OSBPL10: variants seen among roughly 807,000 people sequenced by gnomAD.
The protein encoded by OSBPL10 is oxysterol-binding protein-related protein 10.
In OSBPL10, 49 loss-of-function variants were observed where a neutral mutation model predicts 81.7. The ratio of observed to expected loss-of-function variants is 0.60; its 90% confidence interval spans 0.48 to 0.76. OSBPL10 has a LOEUF of 0.76. OSBPL10 is among the 30% of genes least tolerant of loss of function. The pLI is 0.00. For synonymous variants in OSBPL10, 419 were observed against 383.6 expected (o/e 1.09, Z -1.08); for missense variants, 923 against 987.8 (o/e 0.93, Z 0.88).
intron 1 of OSBPL10, among the ~76,000 whole-genome samples, chr3:31,915,144 GCACTGCTTTGAA>G (rs1200024777): frequency 7.9e-5 from 12 of 151,060 alleles, no homozygotes; most frequent in African/African-American, 2.9e-4. Context: ...TGCATCCAGT[GCACTGCTTTGAA>G]CACATTTTTT....
At chr3:31,813,375 C>G (rs1476858946) in intron 4 of OSBPL10, among the ~76,000 whole-genome samples, 1 of 152,166 alleles carries the variant, frequency 6.6e-6, no homozygotes, top group East Asian at 1.9e-4. Flanking sequence ...CCTCAGATGG[C>G]TCTCCACCCA....
intron 11 of OSBPL10, 42 bp downstream of exon 11, chr3:31,664,037 T>C (rs780679917): frequency 1.9e-6 from 3 of 1,614,070 alleles, no homozygotes; most frequent in Non-Finnish European, 1.7e-6. Context: ...TCAGGACAAG[T>C]TCTCTCCTGG....
At chr3:32,011,281 A>G (rs1699253875) in intron 2 of OSBPL10, among the ~76,000 whole-genome samples, 1 of 152,234 alleles carries the variant, frequency 6.6e-6, no homozygotes, top group Non-Finnish European at 1.5e-5. Flanking sequence ...TTTGCTGTTC[A>G]GCAATATTCA....
chr3:31,865,090 C>T (rs538351396), intron 3 of OSBPL10, among the ~76,000 whole-genome samples: 2 of 152,250 alleles, frequency 1.3e-5, no homozygotes, highest in Admixed American at 1.3e-4. Context: ...GAGGGAGGGA[C>T]AGAAGGGGTG....
At chr3:31,951,267 C>CG (rs1410652295) in intron 1 of OSBPL10, among the ~76,000 whole-genome samples, 5 of 149,132 alleles carry the variant, frequency 3.4e-5, no homozygotes, top group Non-Finnish European at 5.9e-5. Context: ...GGAAACAAAA[C>CG]GGGAAAAAAA....
In OSBPL10 at chr3:31,661,058, G is replaced by A. The variant is rs1354655673; in HGVS notation, c.*1014C>T. ...TCACTCCTTTGACCTCATGTGTAAA[G>A]GCTAAAAACTGAAATTTAACTGAAA... On this transcript the variant is annotated 3_prime_UTR_variant, in exon 12 of 12. Transcript: ENST00000396556. 6.6e-6 allele frequency: 1 copy of A among 152,588 alleles called. No individual in the cohort carries two copies. Among genetic ancestry groups the A allele is most frequent in the African/African-American group, 2.4e-5 (1 of 41,426 alleles). The allele number at this position is 152,588 out of a possible 1,614,324, so 9.5% of individuals were successfully genotyped here.
chr3:32,077,531 G>C (rs1699886286), exon 1 of OSBPL10: 1 of 152,184 alleles, frequency 6.6e-6, no homozygotes, highest in Non-Finnish European at 1.5e-5. Flanking sequence ...CACATTAAAA[G>C]AGTCAAAATG....
intron 2 of OSBPL10, chr3:31,991,590 G>GA (rs1699030632): frequency 6.0e-6 from 1 of 166,582 alleles, no homozygotes; most frequent in African/African-American, 2.4e-5. Flanking sequence ...TTTTGGTACT[G>GA]ATATTGTATT....
At chr3:31,698,500 C>T (rs1039674277) in intron 7 of OSBPL10, among the ~76,000 whole-genome samples, 1 of 152,028 alleles carries the variant, frequency 6.6e-6, no homozygotes, top group South Asian at 2.1e-4. Context: ...GCCACATATT[C>T]CCTTGCTCAA....
chr3:31,824,810 C>T lies in OSBPL10; in HGVS notation c.729+5230G>A, dbSNP rs116066201. Among the ~76,000 whole-genome samples the T allele has an allele frequency of 5.6e-3, 858 of 152,212 alleles. 4 individuals carry two copies. The highest frequency in any genetic ancestry group is 0.019 in the African/African-American group (778 of 41,516). On this transcript the variant is annotated intron_variant, in intron 4 of 11. Transcript: ENST00000396556. ...TTTGCCAGCGGATATCTTGCAGTTGCGGGTATATCATCCCATCTCACTCGA... is the reference window on the plus strand; with the variant it reads ...TTTGCCAGCGGATATCTTGCAGTTGTGGGTATATCATCCCATCTCACTCGA...
In OSBPL10 at chr3:31,670,914, A is replaced by T. The variant is rs761673384; in HGVS notation, c.1796T>A (p.Ile599Asn). The change falls in exon 9 of 12, where the codon ATT becomes AAT. Residue 599 changes from isoleucine (I) to asparagine (N), a missense_variant. Physicochemically the swap from Ile to Asn is moderately radical, Grantham distance 149. Around this residue, in one of 3 missense-constraint regions of OSBPL10, gnomAD observed 387 missense variants for 436.3 expected, o/e 0.89. Coordinates refer to ENST00000396556, the MANE Select transcript of OSBPL10 (RefSeq NM_017784.5). Reference sequence around the variant, plus strand: ...GAGCTCCACCCACGGGATGGTGAGAATGGACCGGGCGTAGGCACTAGGCAG... The same window carrying T: ...GAGCTCCACCCACGGGATGGTGAGATTGGACCGGGCGTAGGCACTAGGCAG... ...FTLPSAYARSILTIPWVELGG... is the reference protein window; with the variant it reads ...FTLPSAYARSNLTIPWVELGG... 8 of 1,614,164 alleles carry T rather than the reference A, an allele frequency of 5.0e-6. No homozygotes were observed. The South Asian group carries it at 8.8e-5, about 18-fold the overall frequency.
At chr3:31,781,687 A>G (rs377607731) in intron 4 of OSBPL10, among the ~76,000 whole-genome samples, 1 of 152,138 alleles carries the variant, frequency 6.6e-6, no homozygotes, top group Admixed American at 6.6e-5. Context: ...CAAATCAAGA[A>G]CTCAACCCCT....
chr3:32,051,323 T>C (rs751528693), intron 1 of OSBPL10, among the ~76,000 whole-genome samples: 9 of 152,248 alleles, frequency 5.9e-5, no homozygotes, highest in Non-Finnish European at 1.3e-4. Flanking sequence ...CTGTTTTGCA[T>C]TGTGTTATCT....
At chr3:31,815,740 C>A (rs574329485) in intron 4 of OSBPL10, among the ~76,000 whole-genome samples, 1 of 152,146 alleles carries the variant, frequency 6.6e-6, no homozygotes, top group Non-Finnish European at 1.5e-5. Flanking sequence ...CCTCTGGAGA[C>A]AAAACCAAGA....
chr3:31,811,747 G>A (rs1389125097), intron 4 of OSBPL10, among the ~76,000 whole-genome samples: 3 of 152,100 alleles, frequency 2.0e-5, no homozygotes, highest in Non-Finnish European at 4.4e-5. Flanking sequence ...TAACAAATAT[G>A]TGCCCATTCA....
At chr3:32,012,778 G>T (rs902442736) in intron 2 of OSBPL10, among the ~76,000 whole-genome samples, 17 of 152,104 alleles carry the variant, frequency 1.1e-4, no homozygotes, top group African/African-American at 4.1e-4. Flanking sequence ...ACAAAAAAAG[G>T]CAGGGGTTGC....
intron 11 of OSBPL10, 192 bp from the exon 12 acceptor site, chr3:31,662,308 C>A: frequency 7.6e-7 from 1 of 1,320,088 alleles, no homozygotes. Context: ...ACCTTCCTAC[C>A]CTGGCATGGC....
chr3:31,864,536 G>A lies in OSBPL10; in HGVS notation c.537+11897C>T, dbSNP rs773278551. Among the ~76,000 whole-genome samples the A allele has an allele frequency of 7.2e-5, 11 of 152,102 alleles. 1 individual carries two copies. Among genetic ancestry groups the A allele is most frequent in the Admixed American group, 4.6e-4 (7 of 15,280 alleles). ...ATTACAGGAGTGAGCCACCGCACCC[G>A]ACCATATACTTAACCATATAAAGTA... is the stretch of plus-strand genomic sequence containing the variant. On this transcript the variant is annotated intron_variant, in intron 3 of 11. Transcript: ENST00000396556.
At chr3:31,958,843 A>G (rs1698081315) in intron 1 of OSBPL10, among the ~76,000 whole-genome samples, 1 of 152,188 alleles carries the variant, frequency 6.6e-6, no homozygotes, top group Non-Finnish European at 1.5e-5. Context: ...CATATTGCCT[A>G]GGGCTGCTTT....
Sources: allele counts gnomAD v4.1 joint callset (sites outside exome capture counted in the v4.1 genomes callset), GRCh38; gene constraint gnomAD v4.1.1; regional missense constraint gnomAD v4.1.1; transcripts MANE v1.5; gene names NCBI Gene and HGNC (gene_info 2026-07-23, HGNC 2026-07-21).